The following MELTF variants were observed in gnomAD, a reference collection of about 807,000 sequenced individuals.
The protein encoded by MELTF is antigen p97 (melanoma associated) identified by monoclonal antibodies 133.2 and 96.5.
Under a neutral mutation model 83.7 loss-of-function variants are expected in MELTF, and 67 were observed. The ratio of observed to expected loss-of-function variants is 0.80; its 90% CI spans 0.66 to 0.98. The LOEUF is 0.98. Ranked by LOEUF, MELTF falls within the 50% of genes least tolerant of loss-of-function variation. The probability of loss-of-function intolerance (pLI) is 0.00; values close to 1 mark genes in which losing one functional copy is unlikely to be tolerated. For missense variants in MELTF, 1,002 were observed against 1,035.6 expected (o/e 0.97, Z 0.44); for synonymous variants, 462 against 447.6 (o/e 1.03, Z -0.41).
In MELTF at chr3:197,011,257, C is replaced by T. The variant is rs1445565661; in HGVS notation, c.1234-463G>A. 6.6e-6 allele frequency among the ~76,000 whole-genome samples: 1 copy of T among 152,198 alleles called. No homozygotes were observed. The highest frequency in any genetic ancestry group is 1.5e-5 in the Non-Finnish European group (1 of 68,032). Reference sequence around the variant, plus strand: ...AGAATGACCGGATCTGAAACGATGGCAGTCTCAGGGCCTGGGGAGGAGGCT... The same window carrying T: ...AGAATGACCGGATCTGAAACGATGGTAGTCTCAGGGCCTGGGGAGGAGGCT... On this transcript the variant is annotated intron_variant, in intron 9 of 15. Coordinates refer to ENST00000296350, the MANE Select transcript of MELTF (RefSeq NM_005929.6). This position sits in a 1 kb window ranked among gnomAD's most constrained non-coding sequence, Gnocchi z 4.2.
Position 197,010,709 on chromosome 3 carries a change from T to TC in MELTF, c.1318dup (p.Glu440GlyfsTer30). Reference sequence around the variant, plus strand: ...GGCCCTGCACTCACGGGCATAGTGCTCCCCGGCTGCGGGAACCAGGCCGTA... The same window carrying TC: ...GGCCCTGCACTCACGGGCATAGTGCTCCCCCGGCTGCGGGAACCAGGCCGTA... On this transcript the variant is annotated frameshift_variant, in exon 10 of 16. Coordinates refer to ENST00000296350, the MANE Select transcript of MELTF (RefSeq NM_005929.6). LOFTEE classifies it high-confidence loss of function. 1 of 1,613,056 alleles carries TC rather than the reference T, an allele frequency of 6.2e-7. No individual in the cohort carries two copies. Among genetic ancestry groups the TC allele is most frequent in the Non-Finnish European group, 8.5e-7 (1 of 1,179,858 alleles).
chr3:197,017,695 G>A (rs1211671672), intron 6 of MELTF, among the ~76,000 whole-genome samples: 2 of 152,094 alleles, frequency 1.3e-5, no homozygotes, highest in Non-Finnish European at 2.9e-5. Context: ...GGCTAACACG[G>A]TGAAACCCCA....
Position 197,015,502 on chromosome 3 carries a change from G to A in MELTF, c.1096C>T (p.Leu366=), listed in dbSNP as rs1221278549. ...GGAGTGGAGAGCACACACCAGCGCA[G>A]GTAGGGGGGCAGCCCTGGGGTGGGG... is the stretch of plus-strand genomic sequence containing the variant. ...LCDPNRLPPY[L]RWCVLSTPEI... Residue 366 remains leucine (L), a synonymous_variant, in exon 9 of 16, where the codon CTG becomes TTG. Coordinates refer to ENST00000296350, the MANE Select transcript of MELTF (RefSeq NM_005929.6). 1 of 1,611,418 alleles carries A rather than the reference G, an allele frequency of 6.2e-7. No homozygotes were observed. Among genetic ancestry groups the A allele is most frequent in the Non-Finnish European group, 8.5e-7 (1 of 1,178,978 alleles).
chr3:197,019,815 C>G, intron 6 of MELTF: 1 of 1,558,206 alleles, frequency 6.4e-7, no homozygotes, highest in South Asian at 1.2e-5. Context: ...ATTTAAAAGG[C>G]AATGGTTAAT....
chr3:197,004,587 C>T (rs906344878), intron 14 of MELTF: 1 of 183,180 alleles, frequency 5.5e-6, no homozygotes, highest in Non-Finnish European at 1.1e-5. Context: ...CTTCACTGAC[C>T]CACCCGCCCA....
chr3:197,024,651 T>A lies in MELTF; in HGVS notation c.305-166A>T, dbSNP rs922384314. ...TTACCAAGAGAGCAAGTGGGCTTCA[T>A]CTGCATGTATTAAGAGGCCCTGCCC... On this transcript the variant is annotated intron_variant, in intron 3 of 15. Coordinates refer to ENST00000296350, the MANE Select transcript of MELTF (RefSeq NM_005929.6). The surrounding 1 kb of genome is among the most constrained non-coding windows in gnomAD (Gnocchi z 5.3). Among the ~76,000 whole-genome samples, 1 of 152,226 alleles carries A rather than the reference T, an allele frequency of 6.6e-6. No individual in the cohort carries two copies. Among genetic ancestry groups the A allele is most frequent in the Non-Finnish European group, 1.5e-5 (1 of 68,036 alleles).
intron 1 of MELTF, chr3:197,028,184 T>C (rs982867345): frequency 2.6e-5 from 11 of 425,122 alleles, no homozygotes; most frequent in African/African-American, 2.2e-4. Flanking sequence ...GGTCTACAGG[T>C]CGCTTCTCAG....
Position 197,016,217 on chromosome 3 carries a change from G to A in MELTF, c.1053C>T (p.Ala351=). The change falls in exon 8 of 16, where the codon GCC becomes GCT. Residue 351 remains alanine (A), a synonymous_variant. Transcript: ENST00000296350. ...EAWLGHEYLH[A]MKGLLCDPNR... Reference sequence around the variant, plus strand: ...TGGGGTCACAGAGCAGACCCTTCATGGCGTGCAGGTACTCATGGCCCAGCC... The same window carrying A: ...TGGGGTCACAGAGCAGACCCTTCATAGCGTGCAGGTACTCATGGCCCAGCC... The A allele has an allele frequency of 6.3e-7, 1 of 1,586,990 alleles. No homozygotes were observed. The highest frequency in any genetic ancestry group is 8.6e-7 in the Non-Finnish European group (1 of 1,167,064).
chr3:197,010,030 C>T (rs1429835535), intron 10 of MELTF, among the ~76,000 whole-genome samples: 2 of 152,232 alleles, frequency 1.3e-5, no homozygotes, highest in Non-Finnish European at 1.5e-5. Flanking sequence ...CTCCACTTTC[C>T]AGCCTTGTCT....
In MELTF at chr3:197,027,104, G is replaced by A. The variant is rs111408572; in HGVS notation, c.205-345C>T. The stretch of plus-strand genomic sequence containing the variant: ...CCCTGCGCCTCTACTGCTACCCTAG[G>A]TTTTCTAGCTTTTTTTCTCTAAGGT... On this transcript the variant is annotated intron_variant, in intron 2 of 15. Transcript: ENST00000296350. The A allele has an allele frequency of 6.7e-3, 1,880 of 280,952 alleles. 40 individuals carry two copies. The highest frequency in any genetic ancestry group is 0.038 in the African/African-American group (1,775 of 46,428). The allele number at this position is 280,952 out of a possible 1,614,324, so 17.4% of individuals were successfully genotyped here. A position where few individuals can be genotyped will look rare whatever the true frequency, so the allele number is the denominator to read the frequency against.
chr3:197,008,535 C>T lies in MELTF; in HGVS notation c.1750+122G>A. 8.8e-7 allele frequency: 1 copy of T among 1,135,574 alleles called. No individual in the cohort carries two copies. The highest frequency in any genetic ancestry group is 1.3e-6 in the Non-Finnish European group (1 of 791,772). The allele number at this position is 1,135,574 out of a possible 1,614,324, so 70.3% of individuals were successfully genotyped here. ...CTCCCAGCTTCCCAGGGGGCACAGC[C>T]TTCTAGACTCAGCCTCTCTGAGCTG... On this transcript the variant is annotated intron_variant, in intron 13 of 15. Transcript: ENST00000296350. This position sits in a 1 kb window ranked among gnomAD's most constrained non-coding sequence, Gnocchi z 5.4.
intron 10 of MELTF, 22 bp downstream of exon 10, chr3:197,010,676 A>G (rs1047374015): frequency 1.3e-6 from 2 of 1,598,352 alleles, no homozygotes; most frequent in African/African-American, 1.3e-5. Context: ...GGCTGAGGCC[A>G]GGCGGCAGGC....
chr3:197,024,344 T>C lies in MELTF; in HGVS notation c.446A>G (p.Glu149Gly). 1.3e-6 allele frequency: 2 copies of C among 1,593,904 alleles called. No homozygotes were observed. Among genetic ancestry groups the C allele is most frequent in the Non-Finnish European group, 1.7e-6 (2 of 1,166,818 alleles). The change falls in exon 4 of 16, where the codon GAG (glutamate) becomes GGG (glycine). Residue 149 changes from glutamate to glycine, a missense_variant. By Grantham distance (98) the Glu-to-Gly change is moderately conservative (BLOSUM62 -2). Coordinates refer to ENST00000296350, the MANE Select transcript of MELTF (RefSeq NM_005929.6). This position sits in a 1 kb window ranked among gnomAD's most constrained non-coding sequence, Gnocchi z 5.3. ...GWNVPVGYLVESGRLSVMGCD... is the reference protein window; with the variant it reads ...GWNVPVGYLVGSGRLSVMGCD... ...GCCCATCACCGAGAGGCGGCCGCTC[T>C]CCACCAGGTAGCCCACGGGCACGTT...
intron 9 of MELTF, among the ~76,000 whole-genome samples, chr3:197,014,395 T>G (rs1719288228): frequency 1.4e-5 from 2 of 145,510 alleles, no homozygotes; most frequent in South Asian, 2.2e-4. Flanking sequence ...TTTTTTTTTT[T>G]TTTTTTTTTT....
rs1188162649 is a variant in MELTF at position 197,011,667 on chromosome 3, G to A, written c.1234-873C>T. Among the ~76,000 whole-genome samples, 1 of 152,082 alleles carries A rather than the reference G, an allele frequency of 6.6e-6. No homozygotes were observed. Among genetic ancestry groups the A allele is most frequent in the East Asian group, 1.9e-4 (1 of 5,172 alleles). On this transcript the variant is annotated intron_variant, in intron 9 of 15. Transcript: ENST00000296350. The surrounding 1 kb of genome is among the most constrained non-coding windows in gnomAD (Gnocchi z 4.2). ...CCACTCAGACCTCCCCCTTCCTATT[G>A]TGCTGTCGGGCAGGACACAGACCCT...
Position 197,017,298 on chromosome 3 carries a change from G to T in MELTF, c.713-8C>A, listed in dbSNP as rs1242828058. 8.5e-6 allele frequency: 13 copies of T among 1,528,672 alleles called. No individual in the cohort carries two copies. Among genetic ancestry groups the T allele is most frequent in the African/African-American group, 2.7e-5 (2 of 73,070 alleles). The allele number at this position is 1,528,672 out of a possible 1,614,324, so 94.7% of individuals were successfully genotyped here. ...AGGAGGGAAGCGTCTTCCCTGGGAAGCAGGAAGCCTGGGCTGAGCCAGCTC... is the reference window on the plus strand; with the variant it reads ...AGGAGGGAAGCGTCTTCCCTGGGAATCAGGAAGCCTGGGCTGAGCCAGCTC... On this transcript the variant is annotated splice_region_variant and splice_polypyrimidine_tract_variant and intron_variant, in intron 6 of 15. Transcript: ENST00000296350.
At position 197,024,671 on chromosome 3, in the gene MELTF, C is replaced by T. The variant is rs1253964231; in HGVS notation, c.305-186G>A. On this transcript the variant is annotated intron_variant, in intron 3 of 15. Transcript: ENST00000296350. This position sits in a 1 kb window ranked among gnomAD's most constrained non-coding sequence, Gnocchi z 5.3. ...CTTCATCTGCATGTATTAAGAGGCC[C>T]TGCCCTCTAGCCTCTTGAGGTAGAG... Among the ~76,000 whole-genome samples, 2 of 152,242 alleles carry T rather than the reference C, an allele frequency of 1.3e-5. No homozygotes were observed. Among genetic ancestry groups the T allele is most frequent in the African/African-American group, 4.8e-5 (2 of 41,462 alleles).
intron 6 of MELTF, chr3:197,019,103 C>G (rs556260155): frequency 2.0e-6 from 2 of 985,770 alleles, no homozygotes; most frequent in Non-Finnish European, 2.4e-6. Flanking sequence ...CCAGAGTGAT[C>G]GTTTAGGAAA....
At chr3:197,026,311 G>A (rs1255443111) in intron 3 of MELTF, 3 of 228,924 alleles carry the variant, frequency 1.3e-5, no homozygotes, top group Admixed American at 4.9e-5. Context: ...GAGAGTGCAG[G>A]TGGCTCGGCA....
Sources: allele counts gnomAD v4.1 joint callset (sites outside exome capture counted in the v4.1 genomes callset), GRCh38; gene constraint gnomAD v4.1.1; non-coding constraint Gnocchi (gnomAD v3.1); transcripts MANE v1.5; gene names NCBI Gene and HGNC (gene_info 2026-07-23, HGNC 2026-07-21).